RBFOX1: variants seen among roughly 807,000 people sequenced by gnomAD.
RBFOX1 encodes RNA binding fox-1 homolog 1.
Under a neutral mutation model 57.7 loss-of-function variants are expected in RBFOX1, and 8 were observed. The ratio of observed to expected loss-of-function variants is 0.14; its 90% CI spans 0.08 to 0.25. RBFOX1 has a LOEUF of 0.25. RBFOX1 is among the 10% of genes least tolerant of loss of function. RBFOX1 has a pLI of 1.00. For missense variants in RBFOX1, 611 were observed against 548.5 expected (o/e 1.11, Z -1.14); for synonymous variants, 326 against 222.4 (o/e 1.47, Z -4.15).
chr16:5,370,849 G>A (rs1221126521), intron 1 of RBFOX1, among the ~76,000 whole-genome samples: 1 of 151,958 alleles, frequency 6.6e-6, no homozygotes, highest in Non-Finnish European at 1.5e-5. Flanking sequence ...CCAATTTTTA[G>A]CAGGCACATG....
intron 1 of RBFOX1, among the ~76,000 whole-genome samples, chr16:6,071,370 T>C (rs901426922): frequency 6.6e-6 from 1 of 152,114 alleles, no homozygotes; most frequent in Non-Finnish European, 1.5e-5. Context: ...CCTTGACATG[T>C]AAAGGGCAGA....
Position 6,933,455 on chromosome 16 carries a change from G to A in RBFOX1, c.-15-118602G>A, listed in dbSNP as rs561219793. On this transcript the variant is annotated intron_variant, in intron 3 of 15. Transcript: ENST00000550418. The stretch of plus-strand genomic sequence containing the variant: ...TGGCCAGGTGCAGTGGCTCATGCCT[G>A]TAATCCCGGCTCTTTGGGAAGCCAA... 1.7e-3 allele frequency among the ~76,000 whole-genome samples: 252 copies of A among 152,334 alleles called. 2 individuals are homozygous for A. Among genetic ancestry groups the A allele is most frequent in the Middle Eastern group, 0.01 (3 of 294 alleles).
intron 10 of RBFOX1, among the ~76,000 whole-genome samples, chr16:7,624,921 G>A (rs2059856406): frequency 6.6e-6 from 1 of 152,160 alleles, no homozygotes; most frequent in African/African-American, 2.4e-5. Context: ...GTTTTAAGGA[G>A]CGAAAAGTGT....
chr16:5,432,280 A>G (rs995248169), intron 1 of RBFOX1, among the ~76,000 whole-genome samples: 1 of 152,004 alleles, frequency 6.6e-6, no homozygotes, highest in Non-Finnish European at 1.5e-5. Context: ...TAAAAATGAG[A>G]TGAAATGGGA....
At chr16:5,372,010 A>G (rs192009646) in intron 1 of RBFOX1, among the ~76,000 whole-genome samples, 6 of 152,118 alleles carry the variant, frequency 3.9e-5, no homozygotes, top group Non-Finnish European at 8.8e-5. Flanking sequence ...TAAGGGGGGA[A>G]TCCTCTTTTA....
At chr16:5,608,923 GT>G (rs1237877174) in intron 3 of RBFOX1, among the ~76,000 whole-genome samples, 1 of 152,128 alleles carries the variant, frequency 6.6e-6, no homozygotes, top group Non-Finnish European at 1.5e-5. Flanking sequence ...TTTGCTCAAG[GT>G]TTTACCCTTT....
intron 1 of RBFOX1, among the ~76,000 whole-genome samples, chr16:6,276,271 G>A (rs183884615): frequency 2.6e-5 from 4 of 152,296 alleles, no homozygotes; most frequent in East Asian, 1.9e-4. Context: ...GGAATGTCAC[G>A]GAAGTGGTCG....
At chr16:7,564,843 C>A (rs981298704) in intron 5 of RBFOX1, among the ~76,000 whole-genome samples, 5 of 152,080 alleles carry the variant, frequency 3.3e-5, no homozygotes, top group African/African-American at 9.7e-5. Context: ...TCGGAGTCAG[C>A]CCTTCTCTGT....
intron 4 of RBFOX1, among the ~76,000 whole-genome samples, chr16:5,980,513 C>A (rs1160656047): frequency 6.6e-6 from 1 of 152,098 alleles, no homozygotes; most frequent in African/African-American, 2.4e-5. Flanking sequence ...TTATTGGCTA[C>A]CTGTGGGGCA....
chr16:6,381,936 C>T (rs574047216), intron 2 of RBFOX1, among the ~76,000 whole-genome samples: 5 of 152,154 alleles, frequency 3.3e-5, no homozygotes, highest in South Asian at 2.1e-4. Flanking sequence ...TCCGGCTGGT[C>T]GATCATCCTC....
intron 4 of RBFOX1, among the ~76,000 whole-genome samples, chr16:7,361,551 C>T (rs569160775): frequency 6.6e-6 from 1 of 152,160 alleles, no homozygotes; most frequent in African/African-American, 2.4e-5. Context: ...TGGCAGGTGG[C>T]TAAGGAGGAT....
In RBFOX1 at chr16:7,314,663, C is replaced by A. The variant is rs193138781; in HGVS notation, c.28-203484C>A. ...GGTGTTGTCTGTGAAAATGGGCTGA[C>A]ACTCTTTTATTAGCATAAAGAGATT... is the stretch of plus-strand genomic sequence containing the variant. On this transcript the variant is annotated intron_variant, in intron 4 of 15. Transcript: ENST00000550418. Among the ~76,000 whole-genome samples, 75 of 152,236 alleles carry A rather than the reference C, an allele frequency of 4.9e-4. No individual in the cohort carries two copies. The Middle Eastern group carries it at 0.024, about 48-fold the overall frequency.
intron 3 of RBFOX1, among the ~76,000 whole-genome samples, chr16:6,963,237 G>C (rs1465407540): frequency 6.6e-6 from 1 of 152,050 alleles, no homozygotes; most frequent in Non-Finnish European, 1.5e-5. Flanking sequence ...ATCAAAAGCA[G>C]CATTTGTGTT....
rs71404528 is a variant in RBFOX1, at chr16:5,525,491, ATTTTTTTTTTTT to A, written c.258+58250_258+58261del. 2.7e-4 allele frequency among the ~76,000 whole-genome samples: 21 copies of A among 78,272 alleles called. No homozygotes were observed. In the East Asian group the frequency reaches 5.2e-3, roughly 19 times the overall value. The allele number at this position is 78,272 out of a possible 152,430, so 51.3% of individuals were successfully genotyped here. A position where few individuals can be genotyped will look rare whatever the true frequency, so the allele number is the denominator to read the frequency against. ...ATAGGCTGGCTCTAGAGCCGACACT[ATTTTTTTTTTTT>A]TTTTTTTTTTTTGAGACAGAGTCTT... On this transcript the variant is annotated intron_variant, in intron 2 of 2. Coordinates refer to the RBFOX1 transcript ENST00000585867.
At chr16:5,682,026 T>C (rs923844449) in intron 3 of RBFOX1, among the ~76,000 whole-genome samples, 1 of 152,186 alleles carries the variant, frequency 6.6e-6, no homozygotes, top group Non-Finnish European at 1.5e-5. Flanking sequence ...CTGGGGTTGA[T>C]ATTAGAATGC....
intron 3 of RBFOX1, among the ~76,000 whole-genome samples, chr16:5,685,291 A>G (rs1171166091): frequency 1.3e-5 from 2 of 152,206 alleles, no homozygotes; most frequent in African/African-American, 4.8e-5. Context: ...TTCAAACTTA[A>G]TTAAGTTTAT....
At chr16:7,106,074 C>T (rs890859304) in intron 4 of RBFOX1, among the ~76,000 whole-genome samples, 3 of 152,152 alleles carry the variant, frequency 2.0e-5, no homozygotes, top group Non-Finnish European at 2.9e-5. Flanking sequence ...CTATTCAGTA[C>T]CCCCACCTCC....
At chr16:5,774,538 T>C (rs545349528) in intron 3 of RBFOX1, among the ~76,000 whole-genome samples, 1 of 152,340 alleles carries the variant, frequency 6.6e-6, no homozygotes, top group African/African-American at 2.4e-5. Context: ...CTTCCACATA[T>C]CCTAGTAAGT....
At chr16:6,597,653 T>A (rs2097790284) in intron 2 of RBFOX1, among the ~76,000 whole-genome samples, 1 of 151,938 alleles carries the variant, frequency 6.6e-6, no homozygotes, top group Non-Finnish European at 1.5e-5. Context: ...CAGCTTGGGT[T>A]GAGAGCAAGA....
Sources: gnomAD v4.1 joint callset for allele counts (sites outside exome capture counted in the v4.1 genomes callset) on GRCh38, gnomAD v4.1.1 for gene constraint, MANE v1.5 for transcripts, NCBI Gene and HGNC (gene_info 2026-07-23, HGNC 2026-07-21) for gene names.